The following RAB39A variants were observed in gnomAD, a reference collection of about 807,000 sequenced individuals.
RAB39A encodes ras-related protein Rab-39A.
A neutral mutation model predicts 20.9 loss-of-function variants in RAB39A; 17 were observed. The observed-to-expected ratio is 0.81, with a 90% CI of 0.56 to 1.22. RAB39A has a LOEUF of 1.22. Among genes scored for constraint, RAB39A ranks in the 50% most tolerant of loss-of-function variants. RAB39A has a pLI of 0.00. For synonymous variants in RAB39A, 99 were observed against 103.4 expected (o/e 0.96, Z 0.26); for missense variants, 234 against 270.5 (o/e 0.87, Z 0.95).
chr11:107,933,377 C>CT (rs71047649), intron 1 of RAB39A, among the ~76,000 whole-genome samples: 57,110 of 72,916 alleles, frequency 0.78, 25,429 homozygotes, highest in East Asian at 0.91. Flanking sequence ...TTTATTCTTT[C>CT]TTTTTTTTTT....
At chr11:107,946,810 G>A (rs2134964015) in intron 1 of RAB39A, among the ~76,000 whole-genome samples, 1 of 151,688 alleles carries the variant, frequency 6.6e-6, no homozygotes, top group East Asian at 2.0e-4. Context: ...TATTCTGTCT[G>A]GGCAAGGTGG....
intron 1 of RAB39A, among the ~76,000 whole-genome samples, chr11:107,937,839 C>A (rs573380000): frequency 2.0e-4 from 30 of 152,266 alleles, no homozygotes; most frequent in African/African-American, 7.0e-4. Flanking sequence ...ATCTCATTGA[C>A]TACTTAACTA....
At chr11:107,939,818 AC>A (rs1187863549) in intron 1 of RAB39A, among the ~76,000 whole-genome samples, 1 of 152,130 alleles carries the variant, frequency 6.6e-6, no homozygotes, top group African/African-American at 2.4e-5. Context: ...CACAGCAGTG[AC>A]CACCTATTCT....
intron 1 of RAB39A, among the ~76,000 whole-genome samples, chr11:107,941,122 G>A (rs139861495): frequency 7.0e-4 from 107 of 152,188 alleles, no homozygotes; most frequent in Non-Finnish European, 1.2e-3. Flanking sequence ...CTTTACAGTA[G>A]CATTTTCAAC....
At chr11:107,942,719 G>T (rs1369723012) in intron 1 of RAB39A, among the ~76,000 whole-genome samples, 1 of 152,106 alleles carries the variant, frequency 6.6e-6, no homozygotes, top group Non-Finnish European at 1.5e-5. Flanking sequence ...TTCTCTGAAC[G>T]TTTTCAGTGC....
intron 1 of RAB39A, among the ~76,000 whole-genome samples, chr11:107,946,775 A>G (rs888239893): frequency 6.6e-6 from 1 of 151,168 alleles, no homozygotes; most frequent in Non-Finnish European, 1.5e-5. Context: ...CGCCCAGCCG[A>G]TACTATTTTT....
intron 1 of RAB39A, among the ~76,000 whole-genome samples, chr11:107,929,438 C>CTTG (rs1861115285): frequency 6.6e-6 from 1 of 151,844 alleles, no homozygotes; most frequent in African/African-American, 2.4e-5. Context: ...GGGAATGGGT[C>CTTG]TTGTAGGTTA....
intron 1 of RAB39A, among the ~76,000 whole-genome samples, chr11:107,955,760 C>T (rs1453027186): frequency 1.3e-5 from 2 of 152,068 alleles, no homozygotes; most frequent in African/African-American, 4.8e-5. Flanking sequence ...AGTGCTTGAA[C>T]CTGGGAGGTG....
chr11:107,955,670 C>G (rs1861427605), intron 1 of RAB39A, among the ~76,000 whole-genome samples: 1 of 152,140 alleles, frequency 6.6e-6, no homozygotes, highest in Non-Finnish European at 1.5e-5. Flanking sequence ...GAAATCCCAT[C>G]TCTACTAAAA....
chr11:107,961,043 TC>T (rs1007663230), intron 1 of RAB39A, among the ~76,000 whole-genome samples: 4 of 152,160 alleles, frequency 2.6e-5, no homozygotes, highest in Non-Finnish European at 4.4e-5. Flanking sequence ...CAGATTCATA[TC>T]CCAGGTCCAT....
In RAB39A at chr11:107,950,054, C is replaced by T. The variant is rs1056868415; in HGVS notation, c.228-11892C>T. Among the ~76,000 whole-genome samples, 6 of 152,002 alleles carry T rather than the reference C, an allele frequency of 3.9e-5. No homozygotes were observed. The East Asian group carries it at 5.8e-4, about 15-fold the overall frequency. On this transcript the variant is annotated intron_variant, in intron 1 of 1. Transcript: ENST00000320578. ...AATTAGCCGGGCGTGGTGGCCGGCCCCTGTAGTCCCAGCTACTCGGGAGGC... is the reference window on the plus strand; with the variant it reads ...AATTAGCCGGGCGTGGTGGCCGGCCTCTGTAGTCCCAGCTACTCGGGAGGC...
Position 107,962,371 on chromosome 11 carries a change from G to A in RAB39A, c.653G>A (p.Ter218=). ...AVKPRKECFC[*] is the part of the protein sequence containing the mutation. ...AAGCCCAGGAAAGAATGCTTCTGCT[G>A]ACTTCAAACATGCTGAAGAACTAAC... The change falls in exon 2 of 2, where the codon TGA becomes TAA. Residue 218 remains the stop codon, a stop_retained_variant. Transcript: ENST00000320578. The A allele has an allele frequency of 6.3e-7, 1 of 1,593,874 alleles. No individual in the cohort carries two copies. The highest frequency in any genetic ancestry group is 8.6e-7 in the Non-Finnish European group (1 of 1,166,416).
At chr11:107,934,649 G>A (rs999692730) in intron 1 of RAB39A, among the ~76,000 whole-genome samples, 7 of 152,182 alleles carry the variant, frequency 4.6e-5, no homozygotes, top group East Asian at 1.9e-4. Flanking sequence ...GCCTCAGGCC[G>A]GGCGTGGTGG....
chr11:107,946,308 C>CTATATATATATATA (rs369739015), intron 1 of RAB39A, among the ~76,000 whole-genome samples: 14 of 94,268 alleles, frequency 1.5e-4, no homozygotes, highest in African/African-American at 5.3e-4. Context: ...GAACAGGATA[C>CTATATATATATATA]TATATATATA....
At chr11:107,953,218 T>G (rs1861399278) in intron 1 of RAB39A, among the ~76,000 whole-genome samples, 1 of 151,938 alleles carries the variant, frequency 6.6e-6, no homozygotes, top group Non-Finnish European at 1.5e-5. Flanking sequence ...AACTTTAGTC[T>G]TGTAAAGCTA....
intron 1 of RAB39A, among the ~76,000 whole-genome samples, chr11:107,946,225 A>G (rs1269712030): frequency 6.9e-6 from 1 of 145,788 alleles, no homozygotes. Context: ...GAAAAAGAGA[A>G]TGTTAAAAAA....
At chr11:107,958,489 TCCCC>T (rs1031882148) in intron 1 of RAB39A, among the ~76,000 whole-genome samples, 4 of 152,272 alleles carry the variant, frequency 2.6e-5, no homozygotes, top group African/African-American at 9.6e-5. Flanking sequence ...CTCTGCTTCT[TCCCC>T]CAGATGATTG....
chr11:107,938,884 T>C (rs917232771), intron 1 of RAB39A, among the ~76,000 whole-genome samples: 29 of 152,196 alleles, frequency 1.9e-4, no homozygotes, highest in South Asian at 8.3e-4. Flanking sequence ...TCTTTTCTTC[T>C]CCAATAAATT....
intron 1 of RAB39A, among the ~76,000 whole-genome samples, chr11:107,953,336 C>T (rs1861400980): frequency 6.6e-6 from 1 of 152,110 alleles, no homozygotes; most frequent in Non-Finnish European, 1.5e-5. Context: ...ACAAAACCAG[C>T]TTGAGAACCT....
Sources: allele counts gnomAD v4.1 joint callset (sites outside exome capture counted in the v4.1 genomes callset), GRCh38; gene constraint gnomAD v4.1.1; transcripts MANE v1.5; gene names NCBI Gene and HGNC (gene_info 2026-07-23, HGNC 2026-07-21).